Variants in CATSPERB observed in about 807,000 individuals in gnomAD.
CATSPERB encodes the protein cation channel sperm-associated auxiliary subunit beta.
Under a neutral mutation model 128.3 loss-of-function variants are expected in CATSPERB, and 93 were observed. The observed-to-expected ratio is 0.72, with a 90% confidence interval of 0.61 to 0.86. The LOEUF is 0.86. Ranked by LOEUF, CATSPERB falls within the 40% of genes least tolerant of loss-of-function variation. The pLI is 0.00. For synonymous variants in CATSPERB, 381 were observed against 448.8 expected (o/e 0.85, Z 1.91); for missense variants, 1,153 against 1,329.5 (o/e 0.87, Z 2.06).
At chr14:91,639,007 T>C in intron 16 of CATSPERB, 89 bp downstream of exon 16, 1 of 1,200,086 alleles carries the variant, frequency 8.3e-7, no homozygotes, top group Admixed American at 2.2e-5. Context: ...CCAAGGAAAA[T>C]ACTTTCCCAT....
intron 23 of CATSPERB, among the ~76,000 whole-genome samples, chr14:91,590,615 TATC>T (rs1184044235): frequency 6.6e-6 from 1 of 152,150 alleles, no homozygotes; most frequent in African/African-American, 2.4e-5. Flanking sequence ...ACATATATAA[TATC>T]ATATATAGTC....
intron 26 of CATSPERB, among the ~76,000 whole-genome samples, chr14:91,585,293 T>C (rs990443110): frequency 5.9e-5 from 9 of 152,108 alleles, no homozygotes; most frequent in East Asian, 3.9e-4. Flanking sequence ...GGGATTTTTT[T>C]CCCCATACCA....
intron 7 of CATSPERB, among the ~76,000 whole-genome samples, chr14:91,704,070 A>T (rs1183462921): frequency 6.6e-6 from 1 of 152,148 alleles, no homozygotes; most frequent in African/African-American, 2.4e-5. Context: ...AGAACTGGAG[A>T]ATCACTCGGT....
intron 7 of CATSPERB, among the ~76,000 whole-genome samples, chr14:91,693,903 G>C (rs1034999295): frequency 6.6e-6 from 1 of 151,940 alleles, no homozygotes; most frequent in African/African-American, 2.4e-5. Context: ...AGCATAAATT[G>C]CTCCTTTTAC....
intron 22 of CATSPERB, among the ~76,000 whole-genome samples, chr14:91,606,153 G>A (rs1231061928): frequency 6.6e-6 from 1 of 152,026 alleles, no homozygotes. Flanking sequence ...TCCAGCCTGG[G>A]CGACAGAGCA....
intron 20 of CATSPERB, among the ~76,000 whole-genome samples, chr14:91,613,410 C>T (rs187697791): frequency 1.4e-3 from 215 of 151,768 alleles, no homozygotes; most frequent in African/African-American, 5.0e-3. Context: ...GGAATGAGCA[C>T]GTCTAAAAGT....
chr14:91,637,311 T>C (rs1894394390), intron 16 of CATSPERB, among the ~76,000 whole-genome samples: 1 of 152,188 alleles, frequency 6.6e-6, no homozygotes, highest in Non-Finnish European at 1.5e-5. Context: ...ACTCATCTTC[T>C]GTCATGCTTT....
intron 12 of CATSPERB, 96 bp downstream of exon 12, chr14:91,674,080 G>C: frequency 1.4e-6 from 1 of 701,876 alleles, no homozygotes; most frequent in Non-Finnish European, 2.5e-6. Context: ...AAGCCTTTCA[G>C]TCTGTAGAAT....
chr14:91,701,293 T>C (rs1895643790), intron 7 of CATSPERB, among the ~76,000 whole-genome samples: 1 of 152,156 alleles, frequency 6.6e-6, no homozygotes, highest in African/African-American at 2.4e-5. Context: ...GATTAAGCAG[T>C]AATCCTAAGG....
intron 22 of CATSPERB, among the ~76,000 whole-genome samples, chr14:91,597,514 G>C (rs1257935343): frequency 6.6e-6 from 1 of 152,028 alleles, no homozygotes; most frequent in Non-Finnish European, 1.5e-5. Context: ...GTTCTTTAAT[G>C]CTTCAAGAAA....
rs117592821 is a variant in CATSPERB, at chr14:91,683,261, G to A, written c.931+616C>T. ...AACTCAAGAATATTTCCAACTCCAGGTGGACAAATTCCATTCTGGTACCTC... is the reference window on the plus strand; with the variant it reads ...AACTCAAGAATATTTCCAACTCCAGATGGACAAATTCCATTCTGGTACCTC... On this transcript the variant is annotated intron_variant, in intron 11 of 26. Coordinates refer to ENST00000256343, the MANE Select transcript of CATSPERB (RefSeq NM_024764.4). Among the ~76,000 whole-genome samples the A allele has an allele frequency of 3.8e-3, 585 of 152,246 alleles. 1 individual carries two copies. The highest frequency in any genetic ancestry group is 5.7e-3 in the Non-Finnish European group (391 of 68,014).
chr14:91,707,867 A>G (rs1255465233), intron 6 of CATSPERB, among the ~76,000 whole-genome samples: 2 of 151,276 alleles, frequency 1.3e-5, no homozygotes, highest in Non-Finnish European at 2.9e-5. Flanking sequence ...TCGGCCTCCC[A>G]AAGTGCTGAG....
At chr14:91,688,847 G>T (rs969854920) in intron 10 of CATSPERB, among the ~76,000 whole-genome samples, 1 of 152,144 alleles carries the variant, frequency 6.6e-6, no homozygotes, top group African/African-American at 2.4e-5. Flanking sequence ...CAGAGTAGGT[G>T]CTCACTGGGT....
intron 5 of CATSPERB, 66 bp from the exon 6 acceptor site, chr14:91,708,302 G>A: frequency 1.9e-6 from 2 of 1,047,060 alleles, no homozygotes; most frequent in South Asian, 2.7e-5. Flanking sequence ...GAAATTTAAG[G>A]ATATGTGAAC....
intron 22 of CATSPERB, among the ~76,000 whole-genome samples, chr14:91,600,761 A>T (rs1893595436): frequency 6.6e-6 from 1 of 152,256 alleles, no homozygotes; most frequent in South Asian, 2.1e-4. Flanking sequence ...TGGTAAAAAG[A>T]TCTTCCAAAG....
At chr14:91,671,473 G>A (rs1427318719) in intron 13 of CATSPERB, among the ~76,000 whole-genome samples, 1 of 151,976 alleles carries the variant, frequency 6.6e-6, no homozygotes, top group Admixed American at 6.6e-5. Flanking sequence ...TACTTGGGAG[G>A]CTATGGCAGG....
chr14:91,654,448 G>T (rs984528051), intron 15 of CATSPERB, among the ~76,000 whole-genome samples: 1 of 152,246 alleles, frequency 6.6e-6, no homozygotes, highest in African/African-American at 2.4e-5. Context: ...GACCTTGAGT[G>T]AATAGTGGCG....
At chr14:91,731,699 C>T (rs558696909) in intron 1 of CATSPERB, among the ~76,000 whole-genome samples, 2 of 152,262 alleles carry the variant, frequency 1.3e-5, no homozygotes, top group South Asian at 2.1e-4. Context: ...CCCCAGTTAT[C>T]ATTCCTTTGT....
chr14:91,724,127 C>T (rs977590732), intron 3 of CATSPERB, among the ~76,000 whole-genome samples: 6 of 151,978 alleles, frequency 3.9e-5, no homozygotes, highest in African/African-American at 7.3e-5. Flanking sequence ...TCTTTATAAA[C>T]GTTAGCTATC....
Sources: allele counts gnomAD v4.1 joint callset (sites outside exome capture counted in the v4.1 genomes callset), GRCh38; gene constraint gnomAD v4.1.1; transcripts MANE v1.5; gene names NCBI Gene and HGNC (gene_info 2026-07-23, HGNC 2026-07-21).